The following IMMP2L variants were observed in gnomAD, a reference collection of about 807,000 sequenced individuals.
IMMP2L encodes mitochondrial inner membrane protease subunit 2.
Under a neutral mutation model 19.3 loss-of-function variants are expected in IMMP2L, and 18 were observed. That is an observed-to-expected ratio of 0.93 (90% confidence interval 0.64 to 1.38). The LOEUF is 1.38. Ranked by LOEUF, IMMP2L falls within the 40% of genes most tolerant of loss-of-function variation. The probability of loss-of-function intolerance (pLI) is 0.00; values close to 1 mark genes in which losing one functional copy is unlikely to be tolerated. For missense variants in IMMP2L, 233 were observed against 218.2 expected (o/e 1.07, Z -0.43); for synonymous variants, 76 against 73.0 (o/e 1.04, Z -0.21).
chr7:111,352,072 C>A (rs1317658840), intron 3 of IMMP2L, among the ~76,000 whole-genome samples: 1 of 152,150 alleles, frequency 6.6e-6, no homozygotes. Context: ...ATTAACACAA[C>A]AAATATATAC....
Position 111,437,996 on chromosome 7 carries a change from AGC to A in IMMP2L, c.239+49240_239+49241del, listed in dbSNP as rs367933323. On this transcript the variant is annotated intron_variant, in intron 3 of 5. Coordinates refer to ENST00000405709, the MANE Select transcript of IMMP2L (RefSeq NM_032549.4). ...CTCTCTAGGCATGCATGCCAGGAAA[AGC>A]TGTTCCTCAACATTTTCAATTCCTA... is the stretch of plus-strand genomic sequence containing the variant. 1.9e-3 allele frequency among the ~76,000 whole-genome samples: 296 copies of A among 151,954 alleles called. 5 individuals carry two copies. Among genetic ancestry groups the A allele is most frequent in the African/African-American group, 6.1e-3 (251 of 41,258 alleles).
chr7:111,155,391 C>T (rs535596560), intron 3 of IMMP2L, among the ~76,000 whole-genome samples: 59 of 152,060 alleles, frequency 3.9e-4, no homozygotes, highest in Non-Finnish European at 7.5e-4. Context: ...AAGAGAGAAA[C>T]GAAGAAATAT....
rs867389127 is a variant in IMMP2L at position 110,694,937 on chromosome 7, G to A, written c.409-31216C>T. Among the ~76,000 whole-genome samples the A allele has an allele frequency of 7.2e-5, 11 of 152,044 alleles. No individual in the cohort carries two copies. The South Asian group carries it at 1.2e-3, about 17-fold the overall frequency. ...AACATGGATAAACCTTGAAAGCGTC[G>A]TGTTAAGTGAAAGAGCTGGACACAA... On this transcript the variant is annotated intron_variant, in intron 5 of 5. Coordinates refer to ENST00000405709, the MANE Select transcript of IMMP2L (RefSeq NM_032549.4).
chr7:111,209,516 T>C (rs938794628), intron 3 of IMMP2L, among the ~76,000 whole-genome samples: 3 of 151,794 alleles, frequency 2.0e-5, no homozygotes, highest in African/African-American at 7.3e-5. Flanking sequence ...CACATATCAA[T>C]ACAGTATTTC....
At chr7:111,466,890 A>G (rs1340876754) in intron 3 of IMMP2L, among the ~76,000 whole-genome samples, 1 of 152,188 alleles carries the variant, frequency 6.6e-6, no homozygotes, top group African/African-American at 2.4e-5. Context: ...TTTAAAGTAT[A>G]CAAAATGATG....
intron 3 of IMMP2L, among the ~76,000 whole-genome samples, chr7:111,371,594 T>G (rs1830269512): frequency 6.6e-6 from 1 of 152,066 alleles, no homozygotes; most frequent in Non-Finnish European, 1.5e-5. Context: ...TTCTGTGGAC[T>G]GTTCACCATG....
intron 3 of IMMP2L, among the ~76,000 whole-genome samples, chr7:111,225,591 G>A (rs983451450): frequency 2.0e-5 from 3 of 149,298 alleles, no homozygotes; most frequent in Non-Finnish European, 4.4e-5. Flanking sequence ...TTGAGTTTTG[G>A]TATAATATCA....
intron 3 of IMMP2L, among the ~76,000 whole-genome samples, chr7:111,145,028 A>C (rs960520341): frequency 6.6e-6 from 1 of 152,092 alleles, no homozygotes; most frequent in South Asian, 2.1e-4. Flanking sequence ...AAGAAGGAGG[A>C]AGAACCTTCA....
intron 4 of IMMP2L, among the ~76,000 whole-genome samples, chr7:110,923,292 G>A (rs768852838): frequency 4.1e-4 from 62 of 152,100 alleles, no homozygotes; most frequent in Admixed American, 3.2e-3. Flanking sequence ...ATAAACACAG[G>A]AAAAAGAGAA....
intron 3 of IMMP2L, among the ~76,000 whole-genome samples, chr7:111,418,375 G>A (rs1312907523): frequency 1.3e-5 from 2 of 151,660 alleles, no homozygotes; most frequent in African/African-American, 4.9e-5. Context: ...TAATCTCTAT[G>A]TATTCCTTTC....
At chr7:110,955,683 C>T (rs551254812) in intron 4 of IMMP2L, among the ~76,000 whole-genome samples, 36 of 152,114 alleles carry the variant, frequency 2.4e-4, no homozygotes, top group Admixed American at 4.6e-4. Context: ...GAACCACCTA[C>T]TGGACTCCCA....
intron 3 of IMMP2L, among the ~76,000 whole-genome samples, chr7:111,299,578 A>G (rs1341778485): frequency 1.3e-5 from 2 of 151,762 alleles, no homozygotes; most frequent in Non-Finnish European, 2.9e-5. Flanking sequence ...AAGCAGAAAA[A>G]AAAAAAAAAA....
intron 3 of IMMP2L, among the ~76,000 whole-genome samples, chr7:111,210,846 A>C (rs962246067): frequency 6.6e-6 from 1 of 152,312 alleles, no homozygotes; most frequent in Non-Finnish European, 1.5e-5. Flanking sequence ...ATTACTCAAA[A>C]TGAGAAATAA....
intron 3 of IMMP2L, among the ~76,000 whole-genome samples, chr7:111,144,894 A>T (rs1803304202): frequency 6.6e-6 from 1 of 152,186 alleles, no homozygotes; most frequent in Non-Finnish European, 1.5e-5. Context: ...ACAAACTGTG[A>T]TAAATGTTAT....
At chr7:111,143,245 C>G (rs1375507744) in intron 3 of IMMP2L, among the ~76,000 whole-genome samples, 1 of 151,986 alleles carries the variant, frequency 6.6e-6, no homozygotes, top group African/African-American at 2.4e-5. Flanking sequence ...ATATTAAATG[C>G]AATTGTGATG....
intron 1 of IMMP2L, among the ~76,000 whole-genome samples, chr7:111,543,481 G>A (rs1393021736): frequency 1.3e-5 from 2 of 152,130 alleles, no homozygotes; most frequent in African/African-American, 4.8e-5. Flanking sequence ...CTGTAAGCCA[G>A]CAAGACCACT....
rs1284433033 is a variant in IMMP2L at position 111,539,207 on chromosome 7, A to G, written c.-2-17758T>C. On this transcript the variant is annotated intron_variant, in intron 1 of 5. Transcript: ENST00000405709. ...AGGAAGGAAGGAGGGAGAAAGAAAGAAAGAAAGAAAGAAAGAAAGAAAGAA... is the reference window on the plus strand; with the variant it reads ...AGGAAGGAAGGAGGGAGAAAGAAAGGAAGAAAGAAAGAAAGAAAGAAAGAA... 2.1e-3 allele frequency among the ~76,000 whole-genome samples: 67 copies of G among 31,226 alleles called. 7 individuals carry two copies. The highest frequency in any genetic ancestry group is 6.0e-3 in the South Asian group (5 of 830). The allele number at this position is 31,226 out of a possible 152,430, so 20.5% of individuals were successfully genotyped here.
intron 2 of IMMP2L, among the ~76,000 whole-genome samples, chr7:111,494,770 CACTAATGATGA>C (rs1843436323): frequency 6.6e-6 from 1 of 152,028 alleles, no homozygotes; most frequent in Non-Finnish European, 1.5e-5. Context: ...ACAAATAGGA[CACTAATGATGA>C]TGGCAACAAT....
intron 3 of IMMP2L, among the ~76,000 whole-genome samples, chr7:110,998,413 G>C (rs1823266193): frequency 6.6e-6 from 1 of 152,168 alleles, no homozygotes; most frequent in Admixed American, 6.6e-5. Flanking sequence ...AGAATGAAGA[G>C]AAGATAGAGT....
Sources: allele counts gnomAD v4.1 joint callset (sites outside exome capture counted in the v4.1 genomes callset), GRCh38; gene constraint gnomAD v4.1.1; transcripts MANE v1.5; gene names NCBI Gene and HGNC (gene_info 2026-07-23, HGNC 2026-07-21).